The following ZMYM4 variants were observed in gnomAD, a reference collection of about 807,000 sequenced individuals.
The protein encoded by ZMYM4 is zinc finger MYM-type protein 4.
In ZMYM4, 31 loss-of-function variants were observed where a neutral mutation model predicts 183.2. The ratio of observed to expected loss-of-function variants is 0.17; its 90% confidence interval spans 0.13 to 0.23. The LOEUF is 0.23. ZMYM4 is among the 10% of genes least tolerant of loss of function. The pLI is 1.00. For synonymous variants in ZMYM4, 592 were observed against 631.2 expected (o/e 0.94, Z 0.93); for missense variants, 1,273 against 1,840.3 (o/e 0.69, Z 5.64).
chr1:35,306,761 C>T (rs1012258111), intron 1 of ZMYM4, among the ~76,000 whole-genome samples: 2 of 152,188 alleles, frequency 1.3e-5, no homozygotes, highest in African/African-American at 4.8e-5. Flanking sequence ...ACCTCCTCTA[C>T]TAAAACTTTC....
rs537608503 is a variant in ZMYM4, at chr1:35,269,228, C to T, written c.39+143C>T. 5.8e-4 allele frequency: 416 copies of T among 716,054 alleles called. 1 individual carries two copies. In the African/African-American group the frequency reaches 6.2e-3, roughly 11 times the overall value. The allele number at this position is 716,054 out of a possible 1,614,324, so 44.4% of individuals were successfully genotyped here. On this transcript the variant is annotated intron_variant, in intron 1 of 29. Transcript: ENST00000314607. ...GGCAGGTCTGAGGCAGCCTTGGGTC[C>T]GGAGCGCGCTGGCGAGCGGTCCCTC...
At chr1:35,368,061 G>GA (rs1558095413) in intron 5 of ZMYM4, among the ~76,000 whole-genome samples, 2 of 98,282 alleles carry the variant, frequency 2.0e-5, no homozygotes, top group African/African-American at 4.1e-5. Context: ...CAAATCCAGC[G>GA]CCCCCCCCCC....
At chr1:35,349,968 A>G (rs940877650) in intron 2 of ZMYM4, among the ~76,000 whole-genome samples, 1 of 144,792 alleles carries the variant, frequency 6.9e-6, no homozygotes, top group South Asian at 2.2e-4. Flanking sequence ...CATTTTTTAT[A>G]TATATATATT....
chr1:35,405,221 T>G (rs776802345), intron 24 of ZMYM4, 27 bp downstream of exon 24: 1 of 1,608,386 alleles, frequency 6.2e-7, no homozygotes, highest in East Asian at 2.2e-5. Flanking sequence ...AATTGTATCT[T>G]GATTTAGGTA....
intron 2 of ZMYM4, among the ~76,000 whole-genome samples, chr1:35,338,357 C>T (rs1439842375): frequency 6.6e-6 from 1 of 152,140 alleles, no homozygotes. Flanking sequence ...TACAGTTGGC[C>T]CTCTGTATCA....
chr1:35,414,661 T>C (rs1197791280), intron 27 of ZMYM4, among the ~76,000 whole-genome samples: 2 of 152,252 alleles, frequency 1.3e-5, no homozygotes, highest in East Asian at 3.8e-4. Context: ...CTCCCTGTTT[T>C]GCAATCTATG....
intron 13 of ZMYM4, 122 bp downstream of exon 13, chr1:35,387,726 T>G: frequency 9.8e-7 from 1 of 1,023,530 alleles, no homozygotes; most frequent in South Asian, 2.2e-5. Flanking sequence ...CGTAAATGCC[T>G]TTTCGATTCA....
intron 1 of ZMYM4, among the ~76,000 whole-genome samples, chr1:35,280,783 T>G (rs1012733364): frequency 6.6e-6 from 1 of 152,146 alleles, no homozygotes; most frequent in Non-Finnish European, 1.5e-5. Context: ...CTAAGGACAC[T>G]CTTCATTGGA....
intron 15 of ZMYM4, among the ~76,000 whole-genome samples, chr1:35,390,343 C>T (rs576847355): frequency 6.6e-6 from 1 of 151,774 alleles, no homozygotes; most frequent in Non-Finnish European, 1.5e-5. Context: ...TGGGTGCAGG[C>T]GGTCTGAGTC....
chr1:35,318,736 G>T (rs554824845), intron 1 of ZMYM4, among the ~76,000 whole-genome samples: 1 of 152,176 alleles, frequency 6.6e-6, no homozygotes, highest in Non-Finnish European at 1.5e-5. Flanking sequence ...GGGATTACAG[G>T]CATGTACCAC....
rs1644826903 is a variant in ZMYM4, at chr1:35,397,362, T to A, written c.3031-15T>A. On this transcript the variant is annotated splice_polypyrimidine_tract_variant and intron_variant, in intron 19 of 29. Transcript: ENST00000314607. ...GTTGCCAAAGAAAGCCTTCAGTCTA[T>A]CCTTGGTCTTTCAGATGCCTGTCCC... 3.2e-6 allele frequency: 5 copies of A among 1,571,992 alleles called. No individual in the cohort carries two copies. The highest frequency in any genetic ancestry group is 1.7e-4 in the Middle Eastern group (1 of 5,932).
chr1:35,306,264 G>A (rs1272608088), intron 1 of ZMYM4, among the ~76,000 whole-genome samples: 1 of 152,058 alleles, frequency 6.6e-6, no homozygotes, highest in Non-Finnish European at 1.5e-5. Context: ...ATCATTTATA[G>A]AACCTGTAGA....
intron 1 of ZMYM4, among the ~76,000 whole-genome samples, chr1:35,285,158 G>T (rs963002393): frequency 1.3e-5 from 2 of 151,792 alleles, no homozygotes; most frequent in African/African-American, 4.8e-5. Flanking sequence ...GCTATTTGGG[G>T]TGTGTTGAAA....
intron 7 of ZMYM4, among the ~76,000 whole-genome samples, chr1:35,380,736 G>T (rs1644439492): frequency 6.6e-6 from 1 of 152,036 alleles, no homozygotes; most frequent in Admixed American, 6.6e-5. Flanking sequence ...AATCATTAGG[G>T]TTTTAATCTT....
At position 35,393,901 on chromosome 1, in the gene ZMYM4, G is replaced by A. The variant is rs532974737; in HGVS notation, c.2911+162G>A. 5.0e-4 allele frequency among the ~76,000 whole-genome samples: 76 copies of A among 152,088 alleles called. 1 individual carries two copies. The highest frequency in any genetic ancestry group is 9.6e-4 in the Non-Finnish European group (65 of 68,014). ...CATCCCCGTGAGTTAGGTATTTTCC[G>A]CATCTGAGGCTTAACAAGTTGGGTC... On this transcript the variant is annotated intron_variant, in intron 18 of 29. Transcript: ENST00000314607.
intron 1 of ZMYM4, among the ~76,000 whole-genome samples, chr1:35,302,022 A>G (rs1317442801): frequency 6.6e-6 from 1 of 152,152 alleles, no homozygotes; most frequent in Admixed American, 6.6e-5. Context: ...TGTTTAAGGC[A>G]GGAAGGTAAA....
At chr1:35,414,116 T>A in intron 27 of ZMYM4, 33 bp downstream of exon 27, 1 of 1,260,398 alleles carries the variant, frequency 7.9e-7, no homozygotes, top group South Asian at 1.3e-5. Context: ...GTTTTCATGA[T>A]ATGCTTTCTT....
chr1:35,383,863 G>GCA (rs2148971689), intron 9 of ZMYM4, among the ~76,000 whole-genome samples: 1 of 152,186 alleles, frequency 6.6e-6, no homozygotes, highest in South Asian at 2.1e-4. Flanking sequence ...TTTTACCTTG[G>GCA]GGAAAGCAGT....
rs184380266 is a variant in ZMYM4 at position 35,280,356 on chromosome 1, T to G, written c.39+11271T>G. Among the ~76,000 whole-genome samples, 1,132 of 152,192 alleles carry G rather than the reference T, an allele frequency of 7.4e-3. 15 individuals carry two copies. Among genetic ancestry groups the G allele is most frequent in the African/African-American group, 0.026 (1,080 of 41,520 alleles). On this transcript the variant is annotated intron_variant, in intron 1 of 29. Transcript: ENST00000314607. Reference sequence around the variant, plus strand: ...TTTTACCATGTTGCACAGGCTGATCTCGAACTCATGAGCTCAAGCAGTCCT... The same window carrying G: ...TTTTACCATGTTGCACAGGCTGATCGCGAACTCATGAGCTCAAGCAGTCCT...
Sources: allele counts gnomAD v4.1 joint callset (sites outside exome capture counted in the v4.1 genomes callset), GRCh38; gene constraint gnomAD v4.1.1; transcripts MANE v1.5; gene names NCBI Gene and HGNC (gene_info 2026-07-23, HGNC 2026-07-21).